Variants in CCNY observed in about 807,000 individuals in gnomAD.
CCNY encodes the protein cyclin Y.
CCNY carries 19 observed loss-of-function variants against 42.8 expected under a neutral mutation model. The ratio of observed to expected loss-of-function variants is 0.44; its 90% CI spans 0.31 to 0.65. CCNY has a LOEUF of 0.65. Ranked by LOEUF, CCNY falls within the 30% of genes least tolerant of loss-of-function variation. The probability of loss-of-function intolerance (pLI) is 0.07; values close to 1 mark genes in which losing one functional copy is unlikely to be tolerated. For synonymous variants in CCNY, 165 were observed against 162.7 expected, an observed-to-expected ratio of 1.01 and a Z score of -0.11; for missense variants, 370 against 437.3, an observed-to-expected ratio of 0.85 and a Z score of 1.37.
chr10:35,389,826 T>TACTTGGCTTGGAAGTATGAA (rs1837376187), intron 1 of CCNY, among the ~76,000 whole-genome samples: 1 of 152,230 alleles, frequency 6.6e-6, no homozygotes, highest in Non-Finnish European at 1.5e-5. Context: ...CAATTCTTCA[T>TACTTGGCTTGGAAGTATGAA]GCTTGGAAGA....
At chr10:35,333,196 T>C (rs1403051450), upstream of CCNY, among the ~76,000 whole-genome samples, 3 of 152,172 alleles carry the variant, frequency 2.0e-5, no homozygotes, top group Non-Finnish European at 4.4e-5. Flanking sequence ...ATGCTCAGTG[T>C]GTACCTCTCC....
chr10:35,488,403 G>T (rs1278095638), intron 2 of CCNY, among the ~76,000 whole-genome samples: 1 of 152,134 alleles, frequency 6.6e-6, no homozygotes, highest in East Asian at 1.9e-4. Flanking sequence ...GCCCTGTCGG[G>T]ATTGCTTTCC....
chr10:35,369,443 A>C (rs1384977619), intron 1 of CCNY, among the ~76,000 whole-genome samples: 1 of 152,236 alleles, frequency 6.6e-6, no homozygotes, highest in Admixed American at 6.5e-5. Context: ...CTGTTTTTGT[A>C]ATCCCTGAGA....
At chr10:35,395,181 G>T (rs908371011) in intron 1 of CCNY, among the ~76,000 whole-genome samples, 2 of 152,170 alleles carry the variant, frequency 1.3e-5, no homozygotes, top group Non-Finnish European at 2.9e-5. Flanking sequence ...GGTACTAACA[G>T]TTAAGAAGTT....
At chr10:35,270,044 T>C (rs1238697673) in intron 3 of CCNY, among the ~76,000 whole-genome samples, 1 of 152,184 alleles carries the variant, frequency 6.6e-6, no homozygotes, top group Non-Finnish European at 1.5e-5. Flanking sequence ...CATTTCCACC[T>C]AAGACCTCAT....
At chr10:35,428,849 AG>A (rs1422684948) in intron 1 of CCNY, among the ~76,000 whole-genome samples, 1 of 152,200 alleles carries the variant, frequency 6.6e-6, no homozygotes, top group African/African-American at 2.4e-5. Context: ...CATGCACTGC[AG>A]GAACAGTGGA....
chr10:35,291,403 C>G (rs556504891), intron 3 of CCNY, among the ~76,000 whole-genome samples: 1 of 152,228 alleles, frequency 6.6e-6, no homozygotes, highest in South Asian at 2.1e-4. Flanking sequence ...CTTTTTATTG[C>G]CAAACAATAT....
At chr10:35,342,296 A>G (rs1589046463) in intron 1 of CCNY, among the ~76,000 whole-genome samples, 1 of 152,358 alleles carries the variant, frequency 6.6e-6, no homozygotes, top group East Asian at 1.9e-4. Flanking sequence ...TTGGTCCCAC[A>G]TTAACATTAC....
chr10:35,408,105 G>A (rs1374256033), intron 1 of CCNY, among the ~76,000 whole-genome samples: 2 of 152,034 alleles, frequency 1.3e-5, no homozygotes, highest in Admixed American at 1.3e-4. Context: ...AGAGGTTGAG[G>A]GATAGTGAGA....
chr10:35,283,478 G>C (rs1835319795), intron 3 of CCNY, among the ~76,000 whole-genome samples: 1 of 151,714 alleles, frequency 6.6e-6, no homozygotes, highest in Non-Finnish European at 1.5e-5. Context: ...TTGGCTCACT[G>C]CAACCACCTC....
intron 3 of CCNY, among the ~76,000 whole-genome samples, chr10:35,285,821 T>C (rs917453661): frequency 6.6e-6 from 1 of 152,080 alleles, no homozygotes; most frequent in African/African-American, 2.4e-5. Context: ...TTTGTTTTTG[T>C]TTTTGTTTGA....
intron 2 of CCNY, among the ~76,000 whole-genome samples, chr10:35,497,656 C>G (rs997456088): frequency 6.9e-6 from 1 of 144,590 alleles, no homozygotes; most frequent in Non-Finnish European, 1.5e-5. Context: ...AGGAGAATTG[C>G]TTGAACCTGG....
chr10:35,356,098 G>T (rs1056901801), intron 1 of CCNY, among the ~76,000 whole-genome samples: 1 of 152,148 alleles, frequency 6.6e-6, no homozygotes, highest in African/African-American at 2.4e-5. Flanking sequence ...ACTTTAAAAT[G>T]ATGCACACTC....
chr10:35,438,659 A>C (rs1838596871), intron 1 of CCNY, among the ~76,000 whole-genome samples: 1 of 152,252 alleles, frequency 6.6e-6, no homozygotes, highest in African/African-American at 2.4e-5. Context: ...GAACCACAGT[A>C]GACATTGTTA....
intron 1 of CCNY, among the ~76,000 whole-genome samples, chr10:35,410,033 G>C (rs897047366): frequency 6.6e-6 from 1 of 152,112 alleles, no homozygotes; most frequent in Non-Finnish European, 1.5e-5. Context: ...ATGAGCCCCT[G>C]CACCAGCCAT....
rs184132423 is a variant in CCNY at position 35,559,370 on chromosome 10, C to G, written c.746+6185C>G. Reference sequence around the variant, plus strand: ...CCATGCACAGTGTGGAAGTCACAGCCTAGTCCCTCTTGTTGCTCGTAGTAT... The same window carrying G: ...CCATGCACAGTGTGGAAGTCACAGCGTAGTCCCTCTTGTTGCTCGTAGTAT... On this transcript the variant is annotated intron_variant, in intron 8 of 9. Coordinates refer to ENST00000374704, the MANE Select transcript of CCNY (RefSeq NM_145012.6). Among the ~76,000 whole-genome samples the G allele has an allele frequency of 4.6e-5, 7 of 152,304 alleles. No homozygotes were observed. In the East Asian group the frequency reaches 1.2e-3, roughly 25 times the overall value.
At chr10:35,514,075 C>CAAA (rs11451104) in intron 3 of CCNY, among the ~76,000 whole-genome samples, 14,488 of 75,796 alleles carry the variant, frequency 0.19, 1,982 homozygotes, top group Non-Finnish European at 0.25. Flanking sequence ...AGGACCAGTT[C>CAAA]AAAAAAAAAA....
At chr10:35,510,646 A>G (rs1001353537) in intron 3 of CCNY, among the ~76,000 whole-genome samples, 3 of 152,232 alleles carry the variant, frequency 2.0e-5, no homozygotes, top group Non-Finnish European at 4.4e-5. Flanking sequence ...TATTCAGTTC[A>G]TGTACGTGCT....
rs56166117 is a variant in CCNY, at chr10:35,247,875, C to CAAA, written c.-216-220_-216-218dup. On this transcript the variant is annotated intron_variant, in intron 1 of 11. Transcript: ENST00000374706. ...TGGGTGACAGAGCAAGACTCCATCTCAAAAAAAAAAAAAAAAGAAAAGAAA... is the reference window on the plus strand; with the variant it reads ...TGGGTGACAGAGCAAGACTCCATCTCAAAAAAAAAAAAAAAAAAAGAAAAGAAA... Among the ~76,000 whole-genome samples the CAAA allele has an allele frequency of 4.8e-3, 282 of 58,186 alleles. 3 individuals carry two copies. Among genetic ancestry groups the CAAA allele is most frequent in the African/African-American group, 0.015 (266 of 18,224 alleles). 38.2% of individuals were successfully genotyped at this position (58,186 alleles called of 152,430 possible). A position where few individuals can be genotyped will look rare whatever the true frequency, so the allele number is the denominator to read the frequency against.
Sources: gnomAD v4.1 joint callset for allele counts (sites outside exome capture counted in the v4.1 genomes callset) on GRCh38, gnomAD v4.1.1 for gene constraint, MANE v1.5 for transcripts, NCBI Gene and HGNC (gene_info 2026-07-23, HGNC 2026-07-21) for gene names.